The following RANBP17 variants were observed in gnomAD, a reference collection of about 807,000 sequenced individuals.
RANBP17 encodes ran-binding protein 17.
RANBP17 carries 158 observed loss-of-function variants against 141.2 expected under a neutral mutation model. That is an observed-to-expected ratio of 1.12 (90% CI 0.98 to 1.28). The LOEUF (loss-of-function observed/expected upper bound fraction) is 1.28, where lower values mean the gene tolerates loss of function less well. RANBP17 is among the 50% of genes most tolerant of loss of function. The pLI is 0.00. For missense variants in RANBP17, 1,438 were observed against 1,290.7 expected (o/e 1.11, Z -1.75); for synonymous variants, 430 against 450.0 (o/e 0.96, Z 0.56).
intron 24 of RANBP17, among the ~76,000 whole-genome samples, chr5:171,243,891 T>C (rs1765042341): frequency 6.6e-6 from 1 of 151,590 alleles, no homozygotes; most frequent in Non-Finnish European, 1.5e-5. Context: ...CTGGCCAACA[T>C]GGTGAAGCCC....
intron 22 of RANBP17, among the ~76,000 whole-genome samples, chr5:171,226,847 C>G (rs1763913172): frequency 6.6e-6 from 1 of 152,174 alleles, no homozygotes; most frequent in South Asian, 2.1e-4. Flanking sequence ...TGTATACAGG[C>G]ATACTTCTTT....
At chr5:171,135,245 A>G (rs1236417726) in intron 14 of RANBP17, among the ~76,000 whole-genome samples, 1 of 150,028 alleles carries the variant, frequency 6.7e-6, no homozygotes, top group Non-Finnish European at 1.5e-5. Flanking sequence ...AAGCCACTGC[A>G]CTCCAGCCTG....
At chr5:171,271,075 C>CCTTTTTTTTTTTTTTTTTTTTTTTTTT (rs1767076411) in intron 25 of RANBP17, 2 of 27,540 alleles carry the variant, frequency 7.3e-5, no homozygotes, top group African/African-American at 3.4e-4. Flanking sequence ...TATGTTATTT[C>CCTTTTTTTTTTTTTTTTTTTTTTTTTT]TTTTTTTTTT....
chr5:170,894,618 G>T (rs1206880559), intron 4 of RANBP17, among the ~76,000 whole-genome samples: 1 of 151,322 alleles, frequency 6.6e-6, no homozygotes, highest in Non-Finnish European at 1.5e-5. Context: ...TGTGAATTTT[G>T]TCCTAAAAGT....
chr5:171,235,351 AG>A (rs1764477445), intron 22 of RANBP17, among the ~76,000 whole-genome samples: 1 of 150,702 alleles, frequency 6.6e-6, no homozygotes, highest in African/African-American at 2.4e-5. Flanking sequence ...TGGAAGAGAC[AG>A]TAGTGTGACT....
In RANBP17 at chr5:171,234,052, TA is replaced by T. The variant is rs755497554; in HGVS notation, c.2423-6860del. On this transcript the variant is annotated intron_variant, in intron 22 of 27. Coordinates refer to ENST00000523189, the MANE Select transcript of RANBP17 (RefSeq NM_022897.5). ...GCTGTGATCCTTAAACTCCTTATTG[TA>T]AAAAAAAAAAAAAAATACACACACA... Among the ~76,000 whole-genome samples the T allele has an allele frequency of 9.4e-3, 1,303 of 137,978 alleles. 2 individuals are homozygous for T. The highest frequency in any genetic ancestry group is 0.015 in the Middle Eastern group (4 of 262). The allele number at this position is 137,978 out of a possible 152,430, so 90.5% of individuals were successfully genotyped here.
chr5:170,955,452 G>GTATATATA (rs1224073239), intron 13 of RANBP17, among the ~76,000 whole-genome samples: 1 of 77,972 alleles, frequency 1.3e-5, no homozygotes, highest in African/African-American at 3.9e-5. Flanking sequence ...AAAGAGCTCA[G>GTATATATA]TATATATATA....
rs888993547 is a variant in RANBP17, at chr5:170,968,135, A to C, written c.1575-107A>C. 14 of 760,388 alleles carry C rather than the reference A, an allele frequency of 1.8e-5. No individual in the cohort carries two copies. The African/African-American group carries it at 2.0e-4, about 11-fold the overall frequency. 47.1% of individuals were successfully genotyped at this position (760,388 alleles called of 1,614,324 possible). On this transcript the variant is annotated intron_variant, in intron 13 of 27. Transcript: ENST00000523189. ...TTTCTTTATATTTTTTTATTTTCCC[A>C]CTTTTTACAGTGATTATATGTTATA...
rs544554280 is a variant in RANBP17 at position 171,011,842 on chromosome 5, T to TA, written c.1710+43473dup. Among the ~76,000 whole-genome samples, 24 of 151,784 alleles carry TA rather than the reference T, an allele frequency of 1.6e-4. No individual in the cohort carries two copies. The South Asian group carries it at 3.5e-3, about 22-fold the overall frequency. ...GTCCCAGTAATGTCCTATATAACTTTAAAAAAAATATCTGAACCGGACATG... is the reference window on the plus strand; with the variant it reads ...GTCCCAGTAATGTCCTATATAACTTTAAAAAAAAATATCTGAACCGGACATG... On this transcript the variant is annotated intron_variant, in intron 14 of 27. Transcript: ENST00000523189.
chr5:171,265,349 A>G (rs923092302), intron 24 of RANBP17, among the ~76,000 whole-genome samples: 2 of 152,190 alleles, frequency 1.3e-5, no homozygotes, highest in African/African-American at 4.8e-5. Context: ...AGCCTGACCA[A>G]CATGGAGAAA....
At chr5:171,064,533 G>C (rs749836549) in intron 14 of RANBP17, among the ~76,000 whole-genome samples, 1 of 151,988 alleles carries the variant, frequency 6.6e-6, no homozygotes, top group Non-Finnish European at 1.5e-5. Flanking sequence ...GTTTCACTCT[G>C]TTGCCCAGGC....
At chr5:171,135,991 G>T (rs1757252036) in intron 14 of RANBP17, among the ~76,000 whole-genome samples, 1 of 152,182 alleles carries the variant, frequency 6.6e-6, no homozygotes, top group African/African-American at 2.4e-5. Flanking sequence ...ATCAGTCAAA[G>T]GCTGATGTTC....
rs142995025 is a variant in RANBP17 at position 171,003,633 on chromosome 5, T to C, written c.1710+35256T>C. Among the ~76,000 whole-genome samples, 918 of 152,030 alleles carry C rather than the reference T, an allele frequency of 6.0e-3. 9 individuals are homozygous for C. The highest frequency in any genetic ancestry group is 0.021 in the African/African-American group (876 of 41,460). On this transcript the variant is annotated intron_variant, in intron 14 of 27. Transcript: ENST00000523189. ...GCAGGAGGGTGTCCTGTTGAGAAGA[T>C]TGAAAGGAGGGGCTACAAAGTAGAA...
In RANBP17 at chr5:171,009,001, C is replaced by T. The variant is rs185233524; in HGVS notation, c.1710+40624C>T. ...ATTTACAGGTTATTAAATGGCATTA[C>T]TTATTTATTTGGCACTGCTAAATGT... is the stretch of plus-strand genomic sequence containing the variant. On this transcript the variant is annotated intron_variant, in intron 14 of 27. Coordinates refer to ENST00000523189, the MANE Select transcript of RANBP17 (RefSeq NM_022897.5). Among the ~76,000 whole-genome samples the T allele has an allele frequency of 1.8e-3, 273 of 152,264 alleles. 1 individual carries two copies. Among genetic ancestry groups the T allele is most frequent in the African/African-American group, 6.1e-3 (255 of 41,540 alleles).
intron 24 of RANBP17, among the ~76,000 whole-genome samples, chr5:171,243,968 C>T (rs776922033): frequency 6.6e-6 from 1 of 151,972 alleles, no homozygotes; most frequent in Non-Finnish European, 1.5e-5. Flanking sequence ...ATCCCAACTA[C>T]TCAGGAGGCT....
intron 25 of RANBP17, among the ~76,000 whole-genome samples, chr5:171,274,007 A>G (rs1221992585): frequency 2.6e-5 from 4 of 152,306 alleles, no homozygotes; most frequent in East Asian, 3.9e-4. Flanking sequence ...CAAGGAATAC[A>G]ATAAACAGGC....
chr5:171,032,687 C>T (rs1206353588), intron 14 of RANBP17, among the ~76,000 whole-genome samples: 3 of 152,086 alleles, frequency 2.0e-5, no homozygotes, highest in Non-Finnish European at 4.4e-5. Context: ...TTCCCGTCAT[C>T]ACTGTAATAC....
At chr5:171,209,344 T>C (rs1762746885) in intron 20 of RANBP17, among the ~76,000 whole-genome samples, 1 of 152,216 alleles carries the variant, frequency 6.6e-6, no homozygotes, top group African/African-American at 2.4e-5. Context: ...TAGACCCTTA[T>C]TCCATAGGTA....
chr5:170,874,204 G>A (rs1561844575), intron 1 of RANBP17, among the ~76,000 whole-genome samples: 1 of 152,162 alleles, frequency 6.6e-6, no homozygotes. Context: ...CAGTGAGACT[G>A]TTATGATTTC....
Sources: gnomAD v4.1 joint callset for allele counts (sites outside exome capture counted in the v4.1 genomes callset) on GRCh38, gnomAD v4.1.1 for gene constraint, MANE v1.5 for transcripts, NCBI Gene and HGNC (gene_info 2026-07-23, HGNC 2026-07-21) for gene names.